PGM1: variants seen among roughly 807,000 people sequenced by gnomAD.
The protein encoded by PGM1 is phosphoglucomutase-1.
Under a neutral mutation model 55.6 loss-of-function variants are expected in PGM1, and 52 were observed. That is an observed-to-expected ratio of 0.94 (90% CI 0.75 to 1.18). The LOEUF (loss-of-function observed/expected upper bound fraction) is 1.18, where lower values mean the gene tolerates loss of function less well. Among genes scored for constraint, PGM1 ranks in the 50% most tolerant of loss-of-function variants. The pLI is 0.00. For missense variants in PGM1, 724 were observed against 729.3 expected (o/e 0.99, Z 0.08); for synonymous variants, 287 against 271.7 (o/e 1.06, Z -0.55).
intron 10 of PGM1, 79 bp downstream of exon 10, chr1:63,654,545 G>T: frequency 1.4e-6 from 2 of 1,443,854 alleles, no homozygotes; most frequent in South Asian, 2.3e-5. Context: ...GTGTTTCAAT[G>T]CCCATTTCTC....
In PGM1 at chr1:63,651,797, A is replaced by G. The variant is rs1649815463; in HGVS notation, c.1409A>G (p.Lys470Arg). The G allele has an allele frequency of 6.2e-7, 1 of 1,613,924 alleles. No individual in the cohort carries two copies. The highest frequency in any genetic ancestry group is 8.5e-7 in the Non-Finnish European group (1 of 1,179,930). The change falls in exon 9 of 11, where the codon AAG becomes AGG. Residue 470 changes from lysine to arginine, a missense_variant. By Grantham distance (26) the Lys-to-Arg change is conservative. Coordinates refer to ENST00000371084, the MANE Select transcript of PGM1 (RefSeq NM_002633.3). The part of the protein sequence containing the change: ...SANDKVYTVE[K>R]ADNFEYSDPV... ...AATGACAAAGTTTACACTGTGGAGA[A>G]GGCCGATAACTTTGAATACAGCGAC...
At chr1:63,593,964 C>T in intron 1 of PGM1, 1 of 1,199,236 alleles carries the variant, frequency 8.3e-7, no homozygotes, top group Non-Finnish European at 1.0e-6. Context: ...CGCCTGACTC[C>T]CGGGGCGCCG....
At position 63,659,571 on chromosome 1, in the gene PGM1, C is replaced by G. The variant is rs754334144; in HGVS notation, c.1600-15C>G. 6.2e-7 allele frequency: 1 copy of G among 1,606,122 alleles called. No homozygotes were observed. The highest frequency in any genetic ancestry group is 1.1e-5 in the South Asian group (1 of 90,928). On this transcript the variant is annotated splice_polypyrimidine_tract_variant and intron_variant, in intron 10 of 10. Coordinates refer to ENST00000371084, the MANE Select transcript of PGM1 (RefSeq NM_002633.3). ...GAGGAAGTGATGGAAAAGCTTCTCTCTATGTCTTCCTCAGGTCATGTTGGC... is the reference window on the plus strand; with the variant it reads ...GAGGAAGTGATGGAAAAGCTTCTCTGTATGTCTTCCTCAGGTCATGTTGGC...
intron 3 of PGM1, among the ~76,000 whole-genome samples, chr1:63,630,998 A>G (rs1649178242): frequency 6.6e-6 from 1 of 152,170 alleles, no homozygotes; most frequent in Non-Finnish European, 1.5e-5. Context: ...TCCAGTAGGG[A>G]GTTTCTTAAA....
chr1:63,623,410 C>A, intron 1 of PGM1: 1 of 1,583,794 alleles, frequency 6.3e-7, no homozygotes, highest in Non-Finnish European at 8.6e-7. Context: ...TTTTGGAGTC[C>A]CTTGACTGCT....
intron 1 of PGM1, among the ~76,000 whole-genome samples, chr1:63,619,039 A>G (rs888215239): frequency 1.3e-5 from 2 of 152,174 alleles, no homozygotes; most frequent in African/African-American, 4.8e-5. Flanking sequence ...GGATATTCTC[A>G]TGCCTCAACT....
chr1:63,634,579 T>C (rs1649310668), intron 4 of PGM1, among the ~76,000 whole-genome samples: 1 of 152,172 alleles, frequency 6.6e-6, no homozygotes, highest in Admixed American at 6.5e-5. Flanking sequence ...TTTCCTTTCC[T>C]TTCCCCACTC....
intron 7 of PGM1, among the ~76,000 whole-genome samples, chr1:63,639,832 G>A (rs1167145952): frequency 1.3e-5 from 2 of 152,144 alleles, no homozygotes; most frequent in Non-Finnish European, 2.9e-5. Context: ...GGTAGAATGA[G>A]CTGCTAAATT....
Position 63,631,749 on chromosome 1 carries a change from C to T in PGM1, c.649C>T (p.Arg217Ter), listed in dbSNP as rs770066171. 9 of 1,613,604 alleles carry T rather than the reference C, an allele frequency of 5.6e-6. No individual in the cohort carries two copies. Among genetic ancestry groups the T allele is most frequent in the South Asian group, 4.4e-5 (4 of 91,064 alleles). The stretch of plus-strand genomic sequence containing the variant: ...GAAAGAACTACTTTCTGGGCCAAAC[C>T]GACTGAAGATCCGTATTGATGCTAT... ...ALKELLSGPN[R>*]LKIRIDAMHG... Residue 217 changes from arginine (R) to a stop codon, truncating the protein, a stop_gained, in exon 4 of 11, where the codon CGA (arginine) becomes TGA (stop). Coordinates refer to ENST00000371084, the MANE Select transcript of PGM1 (RefSeq NM_002633.3). LOFTEE classifies it high-confidence loss of function.
chr1:63,623,652 C>T, intron 1 of PGM1: 1 of 1,612,390 alleles, frequency 6.2e-7, no homozygotes, highest in Non-Finnish European at 8.5e-7. Context: ...TATTCTTTTC[C>T]ATAGACCTAA....
chr1:63,637,843 A>G (rs1428168228), intron 6 of PGM1, among the ~76,000 whole-genome samples: 1 of 152,196 alleles, frequency 6.6e-6, no homozygotes, highest in Non-Finnish European at 1.5e-5. Flanking sequence ...AGTTTATTGT[A>G]CTTTCATAGT....
At position 63,636,415 on chromosome 1, in the gene PGM1, C is replaced by A. The variant is rs1282723269; in HGVS notation, c.1028+27C>A. 4 of 1,612,210 alleles carry A rather than the reference C, an allele frequency of 2.5e-6. No homozygotes were observed. In the East Asian group the frequency reaches 6.7e-5, roughly 27 times the overall value. On this transcript the variant is annotated intron_variant, in intron 6 of 10. Transcript: ENST00000371084. Reference sequence around the variant, plus strand: ...TAGGTGTCTCCATTCCCTTGGCCTTCCTGTCTTAGGTCGTCCCAGTCTTCA... The same window carrying A: ...TAGGTGTCTCCATTCCCTTGGCCTTACTGTCTTAGGTCGTCCCAGTCTTCA...
At chr1:63,600,406 C>G (rs1357186374) in intron 1 of PGM1, among the ~76,000 whole-genome samples, 1 of 152,030 alleles carries the variant, frequency 6.6e-6, no homozygotes, top group Non-Finnish European at 1.5e-5. Flanking sequence ...GAAGAGTGCT[C>G]TACTGTTTTG....
intron 1 of PGM1, among the ~76,000 whole-genome samples, chr1:63,626,992 A>G (rs1649035031): frequency 6.7e-6 from 1 of 149,806 alleles, no homozygotes; most frequent in Non-Finnish European, 1.5e-5. Flanking sequence ...CAAATGCTGT[A>G]TGACAAATTT....
At chr1:63,632,501 C>T (rs577909136) in intron 4 of PGM1, among the ~76,000 whole-genome samples, 1 of 152,284 alleles carries the variant, frequency 6.6e-6, no homozygotes, top group African/African-American at 2.4e-5. Context: ...TAAAACCTTC[C>T]ATCCTTGAAA....
At chr1:63,593,807 T>A in intron 1 of PGM1, 73 bp downstream of exon 1, 7 of 1,440,344 alleles carry the variant, frequency 4.9e-6, no homozygotes, top group Non-Finnish European at 6.3e-6. Context: ...GCGCCCTCCC[T>A]CGCTCGGGGC....
At chr1:63,637,779 A>G (rs1375793442) in intron 6 of PGM1, among the ~76,000 whole-genome samples, 3 of 152,178 alleles carry the variant, frequency 2.0e-5, no homozygotes, top group Non-Finnish European at 2.9e-5. Context: ...TTTTTGGAAA[A>G]ATTGATAATC....
At chr1:63,609,986 A>G (rs925615281) in intron 1 of PGM1, among the ~76,000 whole-genome samples, 1 of 152,212 alleles carries the variant, frequency 6.6e-6, no homozygotes, top group Non-Finnish European at 1.5e-5. Flanking sequence ...ACCTAATTTT[A>G]CCACATAACC....
chr1:63,629,662 AC>A, intron 2 of PGM1, 75 bp downstream of exon 2: 2 of 1,462,670 alleles, frequency 1.4e-6, no homozygotes, highest in Non-Finnish European at 9.5e-7. Flanking sequence ...GCCTTGGGAG[AC>A]CAGGGTTTTG....
Sources: gnomAD v4.1 joint callset for allele counts (sites outside exome capture counted in the v4.1 genomes callset) on GRCh38, gnomAD v4.1.1 for gene constraint, MANE v1.5 for transcripts, NCBI Gene and HGNC (gene_info 2026-07-23, HGNC 2026-07-21) for gene names.